Variants in FILIP1L observed in about 807,000 individuals in gnomAD.
FILIP1L encodes filamin A-interacting protein 1-like.
A neutral mutation model predicts 96.6 loss-of-function variants in FILIP1L; 55 were observed. The ratio of observed to expected loss-of-function variants is 0.57; its 90% CI spans 0.46 to 0.71. The LOEUF (loss-of-function observed/expected upper bound fraction) is 0.71. FILIP1L is among the 30% of genes least tolerant of loss of function. The pLI, the probability that FILIP1L is intolerant of heterozygous loss-of-function variation, is 0.00. For synonymous variants in FILIP1L, 467 were observed against 473.9 expected (o/e 0.99, Z 0.19); for missense variants, 1,304 against 1,321.2 (o/e 0.99, Z 0.20).
At chr3:99,866,171 G>GT (rs547796498) in intron 4 of FILIP1L, among the ~76,000 whole-genome samples, 527 of 143,898 alleles carry the variant, frequency 3.7e-3, no homozygotes, top group Non-Finnish European at 4.4e-3. Context: ...TTAAGCCTGT[G>GT]TTTTTTTTTT....
At chr3:99,864,031 A>G (rs1944388474) in intron 4 of FILIP1L, among the ~76,000 whole-genome samples, 2 of 152,242 alleles carry the variant, frequency 1.3e-5, no homozygotes, top group South Asian at 4.1e-4. Context: ...ACTTCATGCT[A>G]AAGAAATTAA....
intron 1 of FILIP1L, among the ~76,000 whole-genome samples, chr3:100,033,849 A>G (rs1444478303): frequency 6.6e-6 from 1 of 152,186 alleles, no homozygotes; most frequent in Non-Finnish European, 1.5e-5. Context: ...AGAGGAAACA[A>G]TATTATTTTC....
chr3:99,919,332 CCTG>C (rs1358377272), intron 4 of FILIP1L, among the ~76,000 whole-genome samples: 2 of 150,618 alleles, frequency 1.3e-5, no homozygotes, highest in Non-Finnish European at 2.9e-5. Flanking sequence ...GGTCTTAAAG[CCTG>C]CAGTGGTGTC....
chr3:100,060,894 C>G (rs2065552819), intron 1 of FILIP1L, among the ~76,000 whole-genome samples: 3 of 152,058 alleles, frequency 2.0e-5, no homozygotes, highest in Admixed American at 2.0e-4. Context: ...AATAGGGCAT[C>G]TCTTTGAGCC....
At chr3:99,844,167 C>G (rs745927521) in intron 5 of FILIP1L, among the ~76,000 whole-genome samples, 12 of 152,098 alleles carry the variant, frequency 7.9e-5, no homozygotes, top group African/African-American at 1.2e-4. Flanking sequence ...ATATTGCTAG[C>G]CCAGAAAAAG....
intron 1 of FILIP1L, among the ~76,000 whole-genome samples, chr3:100,011,409 A>C (rs903922140): frequency 2.0e-5 from 3 of 152,126 alleles, no homozygotes; most frequent in Non-Finnish European, 2.9e-5. Context: ...TTAGAGACTA[A>C]CTTAATAAAA....
chr3:99,989,623 T>G (rs1031564039), intron 1 of FILIP1L, among the ~76,000 whole-genome samples: 8 of 151,570 alleles, frequency 5.3e-5, no homozygotes, highest in Non-Finnish European at 1.2e-4. Flanking sequence ...AGTATTACAT[T>G]CAAAGCAATT....
At chr3:99,851,282 G>A (rs955707475) in intron 4 of FILIP1L, among the ~76,000 whole-genome samples, 12 of 152,156 alleles carry the variant, frequency 7.9e-5, no homozygotes, top group Non-Finnish European at 7.4e-5. Context: ...ATCAGTAACA[G>A]CTGCATTTCA....
At chr3:100,054,709 C>T (rs142237773) in intron 1 of FILIP1L, among the ~76,000 whole-genome samples, 33 of 152,230 alleles carry the variant, frequency 2.2e-4, no homozygotes, top group African/African-American at 7.7e-4. Context: ...TCCCTCTGGG[C>T]TGCACTGTCT....
rs542529657 is a variant in FILIP1L, at chr3:100,040,355, A to G, written c.-11+73698T>C. On this transcript the variant is annotated intron_variant, in intron 1 of 5. Coordinates refer to ENST00000477258, the MANE Select transcript of FILIP1L (RefSeq NM_001387850.1). The stretch of plus-strand genomic sequence containing the variant: ...ACTATTTATCCAGGCCATAAACAGT[A>G]TATTAAAGTTCTCTCCCCGAGAATC... The G allele has an allele frequency of 9.8e-5, 15 of 152,348 alleles. No individual in the cohort carries two copies. In the East Asian group the frequency reaches 2.9e-3, roughly 29 times the overall value. The allele number at this position is 152,348 out of a possible 1,614,324, so 9.4% of individuals were successfully genotyped here. A position where few individuals can be genotyped will look rare whatever the true frequency, so the allele number is the denominator to read the frequency against.
chr3:99,988,279 C>T (rs911709042), intron 1 of FILIP1L, among the ~76,000 whole-genome samples: 11 of 146,046 alleles, frequency 7.5e-5, no homozygotes, highest in South Asian at 2.1e-4. Context: ...AGGCAAATCA[C>T]GAGGTTGGGA....
At chr3:99,996,470 T>C (rs1709684789) in intron 1 of FILIP1L, among the ~76,000 whole-genome samples, 1 of 152,138 alleles carries the variant, frequency 6.6e-6, no homozygotes, top group Admixed American at 6.5e-5. Context: ...ACCTCTGCCT[T>C]TTACCCAGTT....
chr3:100,053,817 ACAC>A (rs1254958862), intron 1 of FILIP1L, among the ~76,000 whole-genome samples: 1 of 152,190 alleles, frequency 6.6e-6, no homozygotes, highest in Non-Finnish European at 1.5e-5. Flanking sequence ...GACTGCCACA[ACAC>A]ATGCTGAGTC....
chr3:100,028,080 T>C (rs915735576), intron 1 of FILIP1L, among the ~76,000 whole-genome samples: 2 of 152,194 alleles, frequency 1.3e-5, no homozygotes, highest in Non-Finnish European at 2.9e-5. Context: ...AGGAGACGAA[T>C]AATAATAATG....
At chr3:99,943,528 A>G (rs530364410) in intron 1 of FILIP1L, among the ~76,000 whole-genome samples, 1 of 152,122 alleles carries the variant, frequency 6.6e-6, no homozygotes, top group Admixed American at 6.5e-5. Context: ...ATATGGTGAA[A>G]CCCCATCTCT....
rs1576494090 is a variant in FILIP1L at position 99,833,345 on chromosome 3, T to C, written c.3382-2740A>G. ...GTTGGTTTGTTTTATCCATAGATTC[T>C]CAAAAGAAACCTAGCAATCTAGAAG... On this transcript the variant is annotated intron_variant, in intron 5 of 5. Coordinates refer to ENST00000477258, the MANE Select transcript of FILIP1L (RefSeq NM_001387850.1). The C allele has an allele frequency of 1.1e-5, 13 of 1,210,860 alleles. No individual in the cohort carries two copies. In the East Asian group the frequency reaches 3.1e-4, roughly 29 times the overall value. The allele number at this position is 1,210,860 out of a possible 1,614,324, so 75.0% of individuals were successfully genotyped here.
At chr3:100,050,215 A>G (rs1280906301) in intron 1 of FILIP1L, among the ~76,000 whole-genome samples, 1 of 152,102 alleles carries the variant, frequency 6.6e-6, no homozygotes, top group Non-Finnish European at 1.5e-5. Flanking sequence ...AAAAAGAAGA[A>G]TCCTTCTTAA....
At chr3:99,932,604 C>CAGG (rs1707518572) in intron 1 of FILIP1L, among the ~76,000 whole-genome samples, 1 of 152,030 alleles carries the variant, frequency 6.6e-6, no homozygotes, top group South Asian at 2.1e-4. Context: ...AGACATTGAC[C>CAGG]CATTGCCAGG....
intron 4 of FILIP1L, among the ~76,000 whole-genome samples, chr3:99,868,445 C>G (rs762465857): frequency 6.6e-6 from 1 of 152,166 alleles, no homozygotes; most frequent in African/African-American, 2.4e-5. Context: ...CCCAGCAGCA[C>G]CAGATGATGA....
Sources: allele counts gnomAD v4.1 joint callset (sites outside exome capture counted in the v4.1 genomes callset), GRCh38; gene constraint gnomAD v4.1.1; transcripts MANE v1.5; gene names NCBI Gene and HGNC (gene_info 2026-07-23, HGNC 2026-07-21).